Variants in ZFAND3 observed in about 807,000 individuals in gnomAD.
ZFAND3 encodes the protein zinc finger AN1-type containing 3.
ZFAND3 carries 10 observed loss-of-function variants against 29.6 expected under a neutral mutation model. The ratio of observed to expected loss-of-function variants is 0.34; its 90% CI spans 0.21 to 0.57. The LOEUF is 0.57. Among genes scored for constraint, ZFAND3 ranks in the 20% least tolerant of loss-of-function variants. The pLI, the probability that ZFAND3 is intolerant of heterozygous loss-of-function variation, is 0.86. For missense variants in ZFAND3, 230 were observed against 304.5 expected (o/e 0.76, Z 1.82); for synonymous variants, 128 against 112.6 (o/e 1.14, Z -0.87).
intron 1 of ZFAND3, among the ~76,000 whole-genome samples, chr6:37,873,729 A>C (rs148926346): frequency 6.6e-6 from 1 of 152,182 alleles, no homozygotes. Context: ...TTTTTCTCAG[A>C]TTGGCACACT....
intron 2 of ZFAND3, among the ~76,000 whole-genome samples, chr6:38,041,579 C>T (rs945867675): frequency 2.7e-5 from 4 of 150,726 alleles, no homozygotes; most frequent in Non-Finnish European, 5.9e-5. Context: ...CCTGGGCATC[C>T]CTTCAAACTG....
chr6:38,130,767 A>T (rs1765726874), intron 5 of ZFAND3, among the ~76,000 whole-genome samples: 1 of 152,044 alleles, frequency 6.6e-6, no homozygotes, highest in Non-Finnish European at 1.5e-5. Context: ...ATTGGTCTGT[A>T]GTTTTCTTTT....
chr6:37,831,753 AGT>A (rs1561903569), intron 1 of ZFAND3, among the ~76,000 whole-genome samples: 1 of 152,156 alleles, frequency 6.6e-6, no homozygotes, highest in African/African-American at 2.4e-5. Context: ...GGAATGGGAA[AGT>A]GTGCTGAATT....
At chr6:37,955,123 C>G (rs918803014) in intron 2 of ZFAND3, among the ~76,000 whole-genome samples, 23 of 150,846 alleles carry the variant, frequency 1.5e-4, no homozygotes, top group African/African-American at 5.1e-4. Flanking sequence ...TCTGTGGACT[C>G]TCAGCTCTGC....
rs199719466 is a variant in ZFAND3, at chr6:37,985,679, C to CA, written c.112+55689dup. ...TGGTGACACAGTGAGACCCTGTCTC[C>CA]AAAAAAAAATAACAATAAGTAAAGT... On this transcript the variant is annotated intron_variant, in intron 2 of 5. Transcript: ENST00000287218. Among the ~76,000 whole-genome samples the CA allele has an allele frequency of 4.7e-5, 7 of 150,298 alleles. No individual in the cohort carries two copies. In the East Asian group the frequency reaches 7.8e-4, roughly 17 times the overall value.
Position 38,154,216 on chromosome 6 carries a change from C to T in ZFAND3, c.*1827C>T. On this transcript the variant is annotated 3_prime_UTR_variant, in exon 6 of 6. Transcript: ENST00000287218. ...GAGGCAGCCCCCCATAGGCTTCCGC[C>T]AAGCTCTGGTCCCGAAGAGGCTGTG... is the stretch of plus-strand genomic sequence containing the variant. The T allele has an allele frequency of 5.1e-6, 5 of 985,582 alleles. No individual in the cohort carries two copies. Among genetic ancestry groups the T allele is most frequent in the Non-Finnish European group, 6.0e-6 (5 of 830,048 alleles). The allele number at this position is 985,582 out of a possible 1,614,324, so 61.1% of individuals were successfully genotyped here.
chr6:37,892,340 C>G (rs1293238028), intron 1 of ZFAND3, among the ~76,000 whole-genome samples: 1 of 152,114 alleles, frequency 6.6e-6, no homozygotes, highest in East Asian at 1.9e-4. Context: ...GCCTGTAGTC[C>G]CAGCTACTTG....
At chr6:37,852,563 T>TA (rs1764300510) in intron 1 of ZFAND3, among the ~76,000 whole-genome samples, 4 of 152,312 alleles carry the variant, frequency 2.6e-5, no homozygotes, top group Admixed American at 2.6e-4. Flanking sequence ...CATGCCTTCT[T>TA]ATTTCTTCTC....
At chr6:37,934,396 A>G (rs1761656383) in intron 2 of ZFAND3, among the ~76,000 whole-genome samples, 1 of 152,100 alleles carries the variant, frequency 6.6e-6, no homozygotes, top group Non-Finnish European at 1.5e-5. Context: ...CTATGCCAGG[A>G]TAACTACGAC....
intron 5 of ZFAND3, among the ~76,000 whole-genome samples, chr6:38,145,220 G>T (rs1766078984): frequency 1.3e-5 from 2 of 152,210 alleles, no homozygotes; most frequent in Non-Finnish European, 2.9e-5. Flanking sequence ...GACGCTACTT[G>T]ACTTGGTTCA....
Position 37,971,858 on chromosome 6 carries a change from C to G in ZFAND3, c.112+41859C>G, listed in dbSNP as rs149983933. Among the ~76,000 whole-genome samples, 4 of 149,242 alleles carry G rather than the reference C, an allele frequency of 2.7e-5. 1 individual carries two copies. Among genetic ancestry groups the G allele is most frequent in the African/African-American group, 9.9e-5 (4 of 40,530 alleles). On this transcript the variant is annotated intron_variant, in intron 2 of 5. Coordinates refer to ENST00000287218, the MANE Select transcript of ZFAND3 (RefSeq NM_021943.3). ...AAAAAAAAAAAAAAAAAAATTAGCC[C>G]AGTATGGTGGTGTGTGCCTGTAGTC...
chr6:37,935,374 T>A (rs959228731), intron 2 of ZFAND3, among the ~76,000 whole-genome samples: 3 of 152,152 alleles, frequency 2.0e-5, no homozygotes, highest in African/African-American at 4.8e-5. Flanking sequence ...TTAAATATTT[T>A]TATATTGTTT....
At chr6:38,070,714 CAG>C (rs1764438285) in intron 3 of ZFAND3, among the ~76,000 whole-genome samples, 2 of 152,090 alleles carry the variant, frequency 1.3e-5, no homozygotes, top group African/African-American at 4.8e-5. Context: ...ACTAACAAGT[CAG>C]AGAATATGTA....
chr6:37,941,873 G>C (rs1761816661), intron 2 of ZFAND3, among the ~76,000 whole-genome samples: 1 of 152,134 alleles, frequency 6.6e-6, no homozygotes, highest in Admixed American at 6.6e-5. Flanking sequence ...TTGAGTTATG[G>C]AAAAGCCTGT....
intron 1 of ZFAND3, among the ~76,000 whole-genome samples, chr6:37,886,393 C>T (rs945503894): frequency 7.9e-5 from 12 of 151,908 alleles, no homozygotes; most frequent in Non-Finnish European, 1.5e-4. Flanking sequence ...ATCACTTGTG[C>T]ATCTCTGGGC....
chr6:38,144,181 TA>T (rs1562015634), intron 5 of ZFAND3, among the ~76,000 whole-genome samples: 2,920 of 36,468 alleles, frequency 0.08, 103 homozygotes, highest in Non-Finnish European at 0.1. Flanking sequence ...GATATATATA[TA>T]TAATATATAT....
intron 4 of ZFAND3, among the ~76,000 whole-genome samples, chr6:38,106,243 C>T (rs1356722395): frequency 2.6e-5 from 4 of 151,896 alleles, no homozygotes; most frequent in African/African-American, 9.7e-5. Context: ...ACTTCCACCT[C>T]CCAGGTTCAA....
chr6:37,911,340 C>T (rs1712511812), intron 1 of ZFAND3, among the ~76,000 whole-genome samples: 1 of 152,074 alleles, frequency 6.6e-6, no homozygotes, highest in South Asian at 2.1e-4. Flanking sequence ...TGTATGTCGT[C>T]TTTTGGGAAA....
intron 2 of ZFAND3, among the ~76,000 whole-genome samples, chr6:37,984,509 C>A (rs1017692944): frequency 6.6e-6 from 1 of 152,160 alleles, no homozygotes; most frequent in Non-Finnish European, 1.5e-5. Context: ...AACAGTCACT[C>A]CCTTGTGAGT....
Sources: gnomAD v4.1 joint callset for allele counts (sites outside exome capture counted in the v4.1 genomes callset) on GRCh38, gnomAD v4.1.1 for gene constraint, MANE v1.5 for transcripts, NCBI Gene and HGNC (gene_info 2026-07-23, HGNC 2026-07-21) for gene names.